The following DLGAP1 variants were observed in gnomAD, a reference collection of about 807,000 sequenced individuals.
The protein encoded by DLGAP1 is DLG associated protein 1.
DLGAP1 carries 11 observed loss-of-function variants against 90.8 expected under a neutral mutation model. That is an observed-to-expected ratio of 0.12 (90% CI 0.08 to 0.20). The LOEUF (loss-of-function observed/expected upper bound fraction) is 0.20. Among genes scored for constraint, DLGAP1 ranks in the 10% least tolerant of loss-of-function variants. The pLI is 1.00. For missense variants in DLGAP1, 1,050 were observed against 1,333.8 expected, an observed-to-expected ratio of 0.79 and a Z score of 3.31; for synonymous variants, 558 against 540.7, an observed-to-expected ratio of 1.03 and a Z score of -0.44.
chr18:3,658,261 C>T (rs1419873599), intron 7 of DLGAP1, among the ~76,000 whole-genome samples: 1 of 152,012 alleles, frequency 6.6e-6, no homozygotes, highest in Non-Finnish European at 1.5e-5. Flanking sequence ...ATGTTTATAA[C>T]TTTTGTTTTT....
chr18:3,857,048 A>T (rs2069694585), intron 4 of DLGAP1, among the ~76,000 whole-genome samples: 1 of 152,140 alleles, frequency 6.6e-6, no homozygotes, highest in African/African-American at 2.4e-5. Flanking sequence ...TATGAAGAAG[A>T]TGCTTGCTCT....
intron 7 of DLGAP1, among the ~76,000 whole-genome samples, chr18:3,682,213 C>T (rs1294146302): frequency 1.3e-5 from 2 of 152,102 alleles, no homozygotes; most frequent in Non-Finnish European, 2.9e-5. Flanking sequence ...TCACACCTCA[C>T]ACTCCCTTGC....
intron 2 of DLGAP1, among the ~76,000 whole-genome samples, chr18:4,103,970 C>T (rs938524306): frequency 6.6e-6 from 1 of 152,092 alleles, no homozygotes; most frequent in African/African-American, 2.4e-5. Context: ...AGGAGTTTTA[C>T]ATCCACATTT....
chr18:4,163,187 C>T (rs2076874902), intron 1 of DLGAP1, among the ~76,000 whole-genome samples: 2 of 152,166 alleles, frequency 1.3e-5, no homozygotes, highest in South Asian at 4.1e-4. Flanking sequence ...GGCTGAATTG[C>T]TGGACATATA....
chr18:3,545,307 A>G (rs924709373), intron 9 of DLGAP1, among the ~76,000 whole-genome samples: 2 of 152,146 alleles, frequency 1.3e-5, no homozygotes, highest in Admixed American at 6.6e-5. Flanking sequence ...AAATGGAATC[A>G]TAGAAAGATA....
At chr18:3,681,315 T>A (rs1567954743) in intron 7 of DLGAP1, among the ~76,000 whole-genome samples, 1 of 152,170 alleles carries the variant, frequency 6.6e-6, no homozygotes, top group Non-Finnish European at 1.5e-5. Flanking sequence ...AAAAAGGATT[T>A]CCCTTGCCAG....
chr18:4,005,113 T>C lies in DLGAP1; in HGVS notation c.-73+3A>G, dbSNP rs2074276283. ...CCCTTACTGCTTCCCAACCATGACT[T>C]ACTGTTCTTAGCGCCGTTGTCATTC... is the stretch of plus-strand genomic sequence containing the variant. On this transcript the variant is annotated splice_donor_region_variant and intron_variant, in intron 3 of 12. Transcript: ENST00000315677. 2 of 152,212 alleles carry C rather than the reference T, an allele frequency of 1.3e-5. No homozygotes were observed. Among genetic ancestry groups the C allele is most frequent in the Non-Finnish European group, 2.9e-5 (2 of 68,054 alleles). 9.4% of individuals were successfully genotyped at this position (152,212 alleles called of 1,614,324 possible). A position where few individuals can be genotyped will look rare whatever the true frequency, so the allele number is the denominator to read the frequency against.
At chr18:3,572,424 T>TTTTA (rs570469306) in intron 8 of DLGAP1, among the ~76,000 whole-genome samples, 1,386 of 133,348 alleles carry the variant, frequency 0.01, 17 homozygotes, top group African/African-American at 0.038. Context: ...GATTGGTTTC[T>TTTTA]TTTATTTATT....
chr18:4,295,758 C>T (rs1291357113), intron 1 of DLGAP1, among the ~76,000 whole-genome samples: 1 of 152,088 alleles, frequency 6.6e-6, no homozygotes, highest in Non-Finnish European at 1.5e-5. Flanking sequence ...GTTTATAAAA[C>T]CAAATAAAAG....
intron 3 of DLGAP1, among the ~76,000 whole-genome samples, chr18:3,890,178 C>T (rs1274795222): frequency 6.6e-6 from 1 of 152,166 alleles, no homozygotes; most frequent in Non-Finnish European, 1.5e-5. Context: ...TGAAGTGGCC[C>T]CAACAGAATT....
chr18:4,307,194 A>T (rs907600211), intron 1 of DLGAP1, among the ~76,000 whole-genome samples: 15 of 152,206 alleles, frequency 9.9e-5, no homozygotes, highest in Non-Finnish European at 1.8e-4. Flanking sequence ...GAAGAAATGC[A>T]TTCCTAAAGA....
Position 3,555,218 on chromosome 18 carries a change from T to C in DLGAP1, c.2057+12272A>G, listed in dbSNP as rs142441513. ...TGACAATGGATTTCTTTTGGAGAGG[T>C]TGAAAACAATCATTAACATCAATTT... On this transcript the variant is annotated intron_variant, in intron 9 of 12. Transcript: ENST00000315677. Among the ~76,000 whole-genome samples, 44 of 152,252 alleles carry C rather than the reference T, an allele frequency of 2.9e-4. No homozygotes were observed. In the East Asian group the frequency reaches 7.3e-3, roughly 25 times the overall value.
intron 4 of DLGAP1, among the ~76,000 whole-genome samples, chr18:3,868,729 T>TA: frequency 1.3e-5 from 2 of 152,352 alleles, no homozygotes; most frequent in East Asian, 3.9e-4. Context: ...AGGTAGAATT[T>TA]AGACTGCCCA....
chr18:4,163,850 A>T (rs1278127907), intron 1 of DLGAP1, among the ~76,000 whole-genome samples: 5 of 151,984 alleles, frequency 3.3e-5, no homozygotes, highest in Admixed American at 2.6e-4. Flanking sequence ...TTTCTTTTTC[A>T]GATATTATTA....
At chr18:3,968,713 G>A (rs1019129660) in intron 3 of DLGAP1, among the ~76,000 whole-genome samples, 1 of 152,134 alleles carries the variant, frequency 6.6e-6, no homozygotes, top group African/African-American at 2.4e-5. Flanking sequence ...GGAGGTAATT[G>A]AAATTCAAAG....
In DLGAP1 at chr18:3,742,404, G is replaced by T. The variant is rs1363978381; in HGVS notation, c.1281C>A (p.Gly427=). Residue 427 remains glycine (G), a synonymous_variant, in exon 6 of 13, where the codon GGC becomes GGA. Coordinates refer to ENST00000315677, the MANE Select transcript of DLGAP1 (RefSeq NM_004746.4). ...NRSLDSLDPA[G]LLTSPKFRSR... is the part of the protein sequence containing the mutation. Reference sequence around the variant, plus strand: ...AGCGGAACTTTGGTGATGTGAGCAAGCCTGCAGGGTCCAGGCTGTCCAGGC... The same window carrying T: ...AGCGGAACTTTGGTGATGTGAGCAATCCTGCAGGGTCCAGGCTGTCCAGGC... 6.2e-7 allele frequency: 1 copy of T among 1,614,192 alleles called. No individual in the cohort carries two copies. Among genetic ancestry groups the T allele is most frequent in the East Asian group, 2.2e-5 (1 of 44,882 alleles).
chr18:4,312,346 C>A (rs1037648272), intron 1 of DLGAP1, among the ~76,000 whole-genome samples: 37 of 152,258 alleles, frequency 2.4e-4, no homozygotes, highest in African/African-American at 8.9e-4. Context: ...ACCACTACAT[C>A]CTACACCAAG....
intron 9 of DLGAP1, among the ~76,000 whole-genome samples, chr18:3,553,067 C>A (rs965354497): frequency 3.9e-5 from 6 of 151,914 alleles, no homozygotes; most frequent in African/African-American, 1.5e-4. Flanking sequence ...CTCCAAGATA[C>A]ATGTGTATCC....
Position 3,995,721 on chromosome 18 carries a change from G to GT in DLGAP1, c.-73+9394dup, listed in dbSNP as rs1403434980. On this transcript the variant is annotated intron_variant, in intron 3 of 12. Transcript: ENST00000315677. Reference sequence around the variant, plus strand: ...GTTCTCTCGCTTTGGTGCAACGTGAGTAAAAAAAAAAAAACCACCAAGATT... The same window carrying GT: ...GTTCTCTCGCTTTGGTGCAACGTGAGTTAAAAAAAAAAAAACCACCAAGATT... 12 of 144,952 alleles carry GT rather than the reference G, an allele frequency of 8.3e-5. No homozygotes were observed. In the East Asian group the frequency reaches 1.8e-3, roughly 21 times the overall value. 9.0% of individuals were successfully genotyped at this position (144,952 alleles called of 1,614,324 possible).
Sources: allele counts gnomAD v4.1 joint callset (sites outside exome capture counted in the v4.1 genomes callset), GRCh38; gene constraint gnomAD v4.1.1; transcripts MANE v1.5; gene names NCBI Gene and HGNC (gene_info 2026-07-23, HGNC 2026-07-21).